The following APP variants were observed in gnomAD, a reference collection of about 807,000 sequenced individuals.
APP encodes the protein amyloid beta precursor protein.
APP carries 31 observed loss-of-function variants against 101.4 expected under a neutral mutation model. The ratio of observed to expected loss-of-function variants is 0.31; its 90% CI spans 0.23 to 0.41. The LOEUF is 0.41. APP is among the 10% of genes least tolerant of loss of function. The pLI is 1.00. For missense variants in APP, 839 were observed against 1,003.7 expected (o/e 0.84, Z 2.22); for synonymous variants, 366 against 364.4 (o/e 1.00, Z -0.05).
chr21:26,082,510 T>C (rs1377688553), intron 3 of APP, among the ~76,000 whole-genome samples: 3 of 152,212 alleles, frequency 2.0e-5, no homozygotes, highest in South Asian at 2.1e-4. Context: ...TATAAAATAA[T>C]AGTATTCATT....
At chr21:26,131,222 G>A (rs1000968285) in intron 1 of APP, among the ~76,000 whole-genome samples, 2 of 151,320 alleles carry the variant, frequency 1.3e-5, no homozygotes, top group African/African-American at 4.9e-5. Flanking sequence ...AGAGCGAAAC[G>A]CCACCTCAAA....
chr21:26,124,891 TGG>T (rs2062649198), intron 1 of APP, among the ~76,000 whole-genome samples: 1 of 152,254 alleles, frequency 6.6e-6, no homozygotes. Flanking sequence ...TTGGGGACAG[TGG>T]GGTAACCCGA....
intron 1 of APP, among the ~76,000 whole-genome samples, chr21:26,141,534 G>A (rs892393954): frequency 2.6e-5 from 4 of 152,168 alleles, no homozygotes; most frequent in African/African-American, 9.7e-5. Flanking sequence ...AGAAGACAGA[G>A]GATTAAGAAA....
chr21:25,975,111 G>C lies in APP; in HGVS notation c.1417C>G (p.Leu473Val). The C allele has an allele frequency of 6.2e-7, 1 of 1,614,038 alleles. No homozygotes were observed. The highest frequency in any genetic ancestry group is 8.5e-7 in the Non-Finnish European group (1 of 1,180,002). Residue 473 changes from leucine to valine, a missense_variant, in exon 11 of 18, where the codon CTG becomes GTG. By Grantham distance (32) the Leu-to-Val change is conservative. Transcript: ENST00000346798. ...TGCAGAGCGGTGATGTAGTTCTCCA[G>C]GGCCAGGCGGCGGCGGTCATTGAGC... Reference protein sequence around the residue: ...AMLNDRRRLALENYITALQAV... With the variant: ...AMLNDRRRLAVENYITALQAV...
chr21:26,040,748 G>A (rs939898421), intron 5 of APP, among the ~76,000 whole-genome samples: 3 of 148,334 alleles, frequency 2.0e-5, no homozygotes, highest in African/African-American at 4.9e-5. Context: ...GTGACAGAGC[G>A]AGACTCTATC....
chr21:26,040,639 G>A (rs2045333397), intron 5 of APP, among the ~76,000 whole-genome samples: 1 of 150,328 alleles, frequency 6.7e-6, no homozygotes, highest in South Asian at 2.1e-4. Flanking sequence ...TGTGGAAGCA[G>A]GCACCTGTAA....
At chr21:26,026,481 T>TA (rs140841469) in intron 5 of APP, among the ~76,000 whole-genome samples, 3,204 of 152,352 alleles carry the variant, frequency 0.021, 102 homozygotes, top group African/African-American at 0.073. Flanking sequence ...TGTTTCTAAC[T>TA]AAAGCTGACC....
At chr21:26,060,539 C>T (rs1299167291) in intron 3 of APP, among the ~76,000 whole-genome samples, 2 of 152,028 alleles carry the variant, frequency 1.3e-5, no homozygotes, top group African/African-American at 4.8e-5. Flanking sequence ...ATGATCCTAG[C>T]GGGGAAGCGA....
At chr21:25,914,846 C>T (rs1355539030) in intron 13 of APP, among the ~76,000 whole-genome samples, 3 of 152,224 alleles carry the variant, frequency 2.0e-5, no homozygotes, top group Non-Finnish European at 4.4e-5. Context: ...AGCCACTGCA[C>T]CCGGCTTGAT....
chr21:25,898,425 T>C (rs1366960698), intron 15 of APP, among the ~76,000 whole-genome samples: 1 of 152,224 alleles, frequency 6.6e-6, no homozygotes, highest in Non-Finnish European at 1.5e-5. Context: ...TGCAGAGTCA[T>C]TTAAAAACCA....
intron 4 of APP, among the ~76,000 whole-genome samples, chr21:26,052,624 T>TG (rs1172361158): frequency 6.6e-6 from 1 of 152,214 alleles, no homozygotes; most frequent in Non-Finnish European, 1.5e-5. Context: ...ACTCACCCTG[T>TG]GGAAAAATCA....
intron 14 of APP, 68 bp downstream of exon 14, chr21:25,911,668 CTCTCT>C: frequency 7.4e-7 from 1 of 1,345,900 alleles, no homozygotes; most frequent in African/African-American, 1.4e-5. Flanking sequence ...AGATAACTCT[CTCTCT>C]TGCACACACG....
chr21:26,108,946 T>C (rs1366028763), intron 2 of APP, among the ~76,000 whole-genome samples: 1 of 152,064 alleles, frequency 6.6e-6, no homozygotes, highest in Non-Finnish European at 1.5e-5. Context: ...AGTGACTTCC[T>C]GTTGCTACAA....
intron 9 of APP, among the ~76,000 whole-genome samples, chr21:25,977,615 A>G (rs982204748): frequency 7.2e-5 from 11 of 152,256 alleles, no homozygotes; most frequent in African/African-American, 2.7e-4. Context: ...TTCTTTGTAT[A>G]TGATAGGCAA....
chr21:25,941,018 C>G (rs1292824729), intron 13 of APP, among the ~76,000 whole-genome samples: 1 of 152,154 alleles, frequency 6.6e-6, no homozygotes, highest in Non-Finnish European at 1.5e-5. Flanking sequence ...ATGGTATTTG[C>G]AATACATACT....
intron 9 of APP, among the ~76,000 whole-genome samples, chr21:25,980,770 C>T (rs1304467917): frequency 6.6e-6 from 1 of 152,080 alleles, no homozygotes; most frequent in African/African-American, 2.4e-5. Context: ...TCTTATTATT[C>T]AGGTGAGGCC....
intron 13 of APP, among the ~76,000 whole-genome samples, chr21:25,951,099 G>T (rs1373689699): frequency 1.3e-5 from 2 of 149,250 alleles, no homozygotes; most frequent in African/African-American, 5.0e-5. Context: ...AAAGTAGCAT[G>T]AACAGACAGG....
At chr21:26,143,160 CA>C (rs1465980085) in intron 1 of APP, among the ~76,000 whole-genome samples, 1 of 151,962 alleles carries the variant, frequency 6.6e-6, no homozygotes, top group Non-Finnish European at 1.5e-5. Flanking sequence ...AATATTTAAA[CA>C]AAAAAATGTA....
chr21:26,017,409 CAA>C (rs373376674), intron 6 of APP, among the ~76,000 whole-genome samples: 36 of 111,108 alleles, frequency 3.2e-4, no homozygotes, highest in African/African-American at 1.1e-3. Context: ...AATCCCGTGT[CAA>C]AAAAAAAAAA....
Sources: allele counts gnomAD v4.1 joint callset (sites outside exome capture counted in the v4.1 genomes callset), GRCh38; gene constraint gnomAD v4.1.1; transcripts MANE v1.5; gene names NCBI Gene and HGNC (gene_info 2026-07-23, HGNC 2026-07-21).